The following TRIM5 variants were observed in gnomAD, a reference collection of about 807,000 sequenced individuals.
TRIM5 encodes the protein tripartite motif-containing protein 5.
In TRIM5, 31 loss-of-function variants were observed where a neutral mutation model predicts 35.6. The observed-to-expected ratio is 0.87, with a 90% confidence interval of 0.65 to 1.18. The LOEUF (loss-of-function observed/expected upper bound fraction) is 1.18. Among genes scored for constraint, TRIM5 ranks in the 50% most tolerant of loss-of-function variants. The pLI is 0.00. For missense variants in TRIM5, 609 were observed against 591.6 expected, an observed-to-expected ratio of 1.03 and a Z score of -0.31; for synonymous variants, 243 against 215.6, an observed-to-expected ratio of 1.13 and a Z score of -1.11.
chr11:5,610,022 G>T, the TRIM5 span: 2 of 944,898 alleles, frequency 2.1e-6, no homozygotes, highest in South Asian at 3.3e-5. Context: ...TTTGCAGAAT[G>T]ATGCTAAGTG....
chr11:5,602,264 C>A, the TRIM5 span, among the ~76,000 whole-genome samples: 4 of 143,058 alleles, frequency 2.8e-5, no homozygotes, highest in African/African-American at 4.9e-5. Flanking sequence ...CACAGTGAAA[C>A]CTCATCTCTA....
chr11:5,599,122 T>C, the TRIM5 span, among the ~76,000 whole-genome samples: 2 of 152,340 alleles, frequency 1.3e-5, no homozygotes, highest in Admixed American at 1.3e-4. Context: ...TATCTTGTTG[T>C]ATATATTAAC....
intron 4 of TRIM5, among the ~76,000 whole-genome samples, chr11:5,670,245 T>C (rs375077110): frequency 7.4e-6 from 1 of 135,016 alleles, no homozygotes; most frequent in African/African-American, 2.8e-5. Context: ...TGGTGCGATC[T>C]CAGCTCACTG....
the TRIM5 span, among the ~76,000 whole-genome samples, chr11:5,607,936 G>A: frequency 6.6e-6 from 1 of 152,246 alleles, no homozygotes; most frequent in East Asian, 1.9e-4. Flanking sequence ...GTCAGCAAAG[G>A]TAGGGTAGAA....
intron 4 of TRIM5, among the ~76,000 whole-genome samples, chr11:5,668,311 C>T (rs1851302247): frequency 1.3e-5 from 2 of 151,574 alleles, no homozygotes; most frequent in African/African-American, 4.9e-5. Flanking sequence ...AACAAGAAAA[C>T]ATATATATAT....
chr11:5,618,364 C>A, the TRIM5 span, among the ~76,000 whole-genome samples: 6 of 152,004 alleles, frequency 3.9e-5, no homozygotes, highest in African/African-American at 1.5e-4. Context: ...AGTGAGACTC[C>A]ATCTCAAAAA....
chr11:5,637,711 G>C, the TRIM5 span, among the ~76,000 whole-genome samples: 1 of 152,088 alleles, frequency 6.6e-6, no homozygotes, highest in East Asian at 1.9e-4. Flanking sequence ...ATCCCAAACT[G>C]AAACTGTACC....
the TRIM5 span, among the ~76,000 whole-genome samples, chr11:5,656,555 T>C: frequency 6.6e-6 from 1 of 152,180 alleles, no homozygotes; most frequent in Non-Finnish European, 1.5e-5. Context: ...AGTTTCTCCA[T>C]GTTGGTCAGG....
chr11:5,651,489 A>G, the TRIM5 span, among the ~76,000 whole-genome samples: 3 of 152,070 alleles, frequency 2.0e-5, no homozygotes, highest in Non-Finnish European at 2.9e-5. Flanking sequence ...ATAAGTAAGA[A>G]CATCTAGCAT....
the TRIM5 span, chr11:5,611,172 G>C: frequency 1.9e-6 from 3 of 1,614,092 alleles, no homozygotes; most frequent in South Asian, 3.3e-5. Flanking sequence ...CCCTCGCCGT[G>C]TTGGGGTTTT....
In TRIM5 at chr11:5,664,340, A is replaced by G; in HGVS notation, c.*469T>C. On this transcript the variant is annotated 3_prime_UTR_variant, in exon 8 of 8. Coordinates refer to ENST00000380034, the MANE Select transcript of TRIM5 (RefSeq NM_033034.3). ...TCTAGATACAAAACCTCTATACTTA[A>G]GAGTATACCATTTATGATATTTTCT... is the stretch of plus-strand genomic sequence containing the variant. The G allele has an allele frequency of 1.0e-6, 1 of 990,616 alleles. No individual in the cohort carries two copies. Among genetic ancestry groups the G allele is most frequent in the Non-Finnish European group, 1.2e-6 (1 of 832,928 alleles). 61.4% of individuals were successfully genotyped at this position (990,616 alleles called of 1,614,324 possible).
At chr11:5,620,313 G>C in the TRIM5 span, among the ~76,000 whole-genome samples, 61 of 151,390 alleles carry the variant, frequency 4.0e-4, no homozygotes, top group Non-Finnish European at 7.1e-4. Flanking sequence ...AAGTAACTGG[G>C]ACTACAGGCG....
the TRIM5 span, among the ~76,000 whole-genome samples, chr11:5,594,984 A>C: frequency 5.9e-5 from 9 of 152,290 alleles, no homozygotes; most frequent in South Asian, 1.5e-3. Flanking sequence ...GATCTGAAAT[A>C]ACCTTTGCGT....
At chr11:5,615,982 G>C in the TRIM5 span, among the ~76,000 whole-genome samples, 4 of 143,754 alleles carry the variant, frequency 2.8e-5, no homozygotes, top group Non-Finnish European at 6.0e-5. Flanking sequence ...TCCCAGGCTG[G>C]AGTGACATGG....
At chr11:5,632,989 G>A in the TRIM5 span, among the ~76,000 whole-genome samples, 5 of 93,332 alleles carry the variant, frequency 5.4e-5, no homozygotes, top group Admixed American at 7.2e-4. Context: ...ACCGCGCCTG[G>A]CTAATTTTTT....
chr11:5,643,937 C>G, the TRIM5 span: 1 of 573,432 alleles, frequency 1.7e-6, no homozygotes, highest in Non-Finnish European at 2.9e-6. Flanking sequence ...AAAGACACAG[C>G]AGTATGGGTA....
chr11:5,648,570 A>C, the TRIM5 span, among the ~76,000 whole-genome samples: 486 of 152,298 alleles, frequency 3.2e-3, 5 homozygotes, highest in African/African-American at 0.011. Flanking sequence ...AGGCTTCATC[A>C]CATTTCCCCC....
chr11:5,620,428 C>T, the TRIM5 span, among the ~76,000 whole-genome samples: 1 of 151,434 alleles, frequency 6.6e-6, no homozygotes, highest in African/African-American at 2.4e-5. Context: ...GACTCTAACT[C>T]CTGAACTCGT....
the TRIM5 span, among the ~76,000 whole-genome samples, chr11:5,655,267 A>G: frequency 6.6e-6 from 1 of 152,042 alleles, no homozygotes; most frequent in Non-Finnish European, 1.5e-5. Context: ...CTGGGTGGGA[A>G]CAATATTCAA....
Sources: allele counts gnomAD v4.1 joint callset (sites outside exome capture counted in the v4.1 genomes callset), GRCh38; gene constraint gnomAD v4.1.1; transcripts MANE v1.5; gene names NCBI Gene and HGNC (gene_info 2026-07-23, HGNC 2026-07-21).